The following MTUS2 variants were observed in gnomAD, a reference collection of about 807,000 sequenced individuals.
The protein encoded by MTUS2 is microtubule associated scaffold protein 2.
Under a neutral mutation model 114.1 loss-of-function variants are expected in MTUS2, and 40 were observed. That is an observed-to-expected ratio of 0.35 (90% CI 0.27 to 0.46). MTUS2 has a LOEUF of 0.46. Ranked by LOEUF, MTUS2 falls within the 20% of genes least tolerant of loss-of-function variation. The pLI is 1.00. For missense variants in MTUS2, 1,679 were observed against 1,705.4 expected, an observed-to-expected ratio of 0.98 and a Z score of 0.27; for synonymous variants, 688 against 672.0, an observed-to-expected ratio of 1.02 and a Z score of -0.37.
intron 10 of MTUS2, among the ~76,000 whole-genome samples, chr13:29,485,982 A>G (rs1259282514): frequency 6.6e-6 from 1 of 152,184 alleles, no homozygotes. Flanking sequence ...GGCCTAAGTG[A>G]CACCTGTAAT....
chr13:28,899,998 C>T (rs1002592786), intron 2 of MTUS2, among the ~76,000 whole-genome samples: 1 of 152,130 alleles, frequency 6.6e-6, no homozygotes, highest in Non-Finnish European at 1.5e-5. Flanking sequence ...ATCCATTCTC[C>T]TGCCTCAGCC....
chr13:28,975,256 G>C lies in MTUS2; in HGVS notation c.-242-49201G>C, dbSNP rs536106223. On this transcript the variant is annotated intron_variant, in intron 2 of 15. Transcript: ENST00000612955. ...CAGAGCCATCAAAGTCTTATTTTAAGTCTCTTGATTCTAAAAATCACTTCA... is the reference window on the plus strand; with the variant it reads ...CAGAGCCATCAAAGTCTTATTTTAACTCTCTTGATTCTAAAAATCACTTCA... Among the ~76,000 whole-genome samples the C allele has an allele frequency of 7.9e-5, 12 of 151,996 alleles. No homozygotes were observed. The South Asian group carries it at 2.5e-3, about 31-fold the overall frequency.
chr13:29,395,095 C>A (rs373800046), intron 8 of MTUS2, among the ~76,000 whole-genome samples: 2 of 152,144 alleles, frequency 1.3e-5, no homozygotes, highest in South Asian at 4.1e-4. Context: ...ACTTTGATTT[C>A]TTTCAGGGCC....
intron 2 of MTUS2, among the ~76,000 whole-genome samples, chr13:28,943,894 C>G (rs1199139099): frequency 6.6e-6 from 1 of 152,022 alleles, no homozygotes; most frequent in Non-Finnish European, 1.5e-5. Flanking sequence ...ACTTGCTTAC[C>G]TCTTAAGACT....
chr13:29,465,948 A>G (rs1490796726), intron 9 of MTUS2, among the ~76,000 whole-genome samples: 5 of 152,222 alleles, frequency 3.3e-5, no homozygotes, highest in Non-Finnish European at 4.4e-5. Context: ...ATTCCCGTGA[A>G]TGCTGTTCTG....
intron 1 of MTUS2, among the ~76,000 whole-genome samples, chr13:28,833,867 T>G (rs1410675613): frequency 3.9e-5 from 6 of 152,116 alleles, no homozygotes. Flanking sequence ...TTAATAAAAG[T>G]CAATTGTATT....
At chr13:29,368,189 C>T (rs1446105289) in intron 8 of MTUS2, among the ~76,000 whole-genome samples, 1 of 151,852 alleles carries the variant, frequency 6.6e-6, no homozygotes, top group Non-Finnish European at 1.5e-5. Flanking sequence ...CTGCCCACCT[C>T]GACCTCCCAA....
chr13:28,991,922 T>G (rs548887881), intron 2 of MTUS2, among the ~76,000 whole-genome samples: 124 of 152,294 alleles, frequency 8.1e-4, no homozygotes, highest in African/African-American at 2.9e-3. Context: ...TCTCTGTACC[T>G]GGGAACTTGT....
At chr13:28,837,782 T>C (rs1185759847) in intron 1 of MTUS2, among the ~76,000 whole-genome samples, 1 of 152,206 alleles carries the variant, frequency 6.6e-6, no homozygotes, top group Non-Finnish European at 1.5e-5. Flanking sequence ...CTGTTACAAT[T>C]AGTACTATCA....
chr13:28,976,220 A>G (rs866832772), intron 2 of MTUS2, among the ~76,000 whole-genome samples: 2,933 of 103,970 alleles, frequency 0.028, 48 homozygotes, highest in Admixed American at 0.089. Context: ...AAAAAAAAAA[A>G]AAAAGAAAAG....
intron 6 of MTUS2, among the ~76,000 whole-genome samples, chr13:29,286,770 A>G (rs1444163468): frequency 6.6e-6 from 1 of 152,062 alleles, no homozygotes; most frequent in Non-Finnish European, 1.5e-5. Context: ...AGCTCACTGC[A>G]ACCTCCACCT....
intron 5 of MTUS2, among the ~76,000 whole-genome samples, chr13:29,223,153 G>T (rs920027762): frequency 1.3e-5 from 2 of 152,174 alleles, no homozygotes; most frequent in African/African-American, 4.8e-5. Flanking sequence ...ATAGCCCAAG[G>T]CCTGGGGGCC....
chr13:29,432,010 ATTTTTTTTT>A (rs57182093), intron 8 of MTUS2, among the ~76,000 whole-genome samples: 1 of 81,038 alleles, frequency 1.2e-5, no homozygotes, highest in Non-Finnish European at 2.5e-5. Context: ...ACGCTCAGCT[ATTTTTTTTT>A]TTTTTTTTTT....
intron 7 of MTUS2, among the ~76,000 whole-genome samples, chr13:29,340,896 A>G (rs9508380): frequency 0.19 from 29,502 of 152,140 alleles, 2,980 homozygotes; most frequent in Non-Finnish European, 0.23. Context: ...GAGAACATAC[A>G]ATGTTTAGTT....
chr13:29,242,843 A>G (rs1896779057), intron 5 of MTUS2: 1 of 140,794 alleles, frequency 7.1e-6, no homozygotes, highest in Non-Finnish European at 1.5e-5. Flanking sequence ...AATCCTCACG[A>G]TAGCATATGA....
In MTUS2 at chr13:28,978,445, A is replaced by C. The variant is rs566080814; in HGVS notation, c.-242-46012A>C. On this transcript the variant is annotated intron_variant, in intron 2 of 15. Transcript: ENST00000612955. ...AAAGGGCATAAACAACATCATTTGC[A>C]GGAAGAAGAATGAGAAGGGGGATAT... Among the ~76,000 whole-genome samples, 3 of 152,364 alleles carry C rather than the reference A, an allele frequency of 2.0e-5. No individual in the cohort carries two copies. In the South Asian group the frequency reaches 6.2e-4, roughly 32 times the overall value.
At chr13:29,158,087 C>T (rs1317520417) in intron 5 of MTUS2, among the ~76,000 whole-genome samples, 2 of 152,138 alleles carry the variant, frequency 1.3e-5, no homozygotes, top group African/African-American at 4.8e-5. Context: ...CTGACTGCTG[C>T]AAATAATCTT....
At chr13:29,235,881 A>G (rs1896516920) in intron 5 of MTUS2, among the ~76,000 whole-genome samples, 1 of 152,154 alleles carries the variant, frequency 6.6e-6, no homozygotes. Flanking sequence ...TCTCAATGAT[A>G]TTTTTTGCTT....
chr13:29,302,218 G>A (rs760847940), intron 6 of MTUS2, among the ~76,000 whole-genome samples: 1 of 152,186 alleles, frequency 6.6e-6, no homozygotes, highest in Non-Finnish European at 1.5e-5. Flanking sequence ...ATGAAGAAAA[G>A]CTGGGGCTGC....
Sources: allele counts gnomAD v4.1 joint callset (sites outside exome capture counted in the v4.1 genomes callset), GRCh38; gene constraint gnomAD v4.1.1; transcripts MANE v1.5; gene names NCBI Gene and HGNC (gene_info 2026-07-23, HGNC 2026-07-21).